Variants in AFG2A observed in about 807,000 individuals in gnomAD.
AFG2A encodes the protein AAA ATPase AFG2A.
the AFG2A span, among the ~76,000 whole-genome samples, chr4:123,161,604 T>C: frequency 1.3e-5 from 2 of 152,168 alleles, no homozygotes; most frequent in Non-Finnish European, 2.9e-5. Flanking sequence ...CAGTGGCTAA[T>C]AGAGCTAGGC....
At chr4:123,239,455 G>A in the AFG2A span, among the ~76,000 whole-genome samples, 78,047 of 152,088 alleles carry the variant, frequency 0.51, 24,631 homozygotes, top group Non-Finnish European at 0.67. Context: ...ACCCACTAAC[G>A]GAAGCCCATC....
chr4:123,307,735 T>C, the AFG2A span, among the ~76,000 whole-genome samples: 1 of 152,240 alleles, frequency 6.6e-6, no homozygotes, highest in Non-Finnish European at 1.5e-5. Context: ...ATGGACCAGA[T>C]ACATAATGGT....
the AFG2A span, among the ~76,000 whole-genome samples, chr4:122,945,277 G>C: frequency 6.6e-6 from 1 of 152,240 alleles, no homozygotes; most frequent in South Asian, 2.1e-4. Flanking sequence ...TCCTTGAGCT[G>C]TGGTGGGCTC....
chr4:122,925,003 A>G, the AFG2A span, among the ~76,000 whole-genome samples: 10 of 152,170 alleles, frequency 6.6e-5, no homozygotes, highest in Non-Finnish European at 1.0e-4. Context: ...ACTGTACAAT[A>G]ACTCTTCTCA....
the AFG2A span, among the ~76,000 whole-genome samples, chr4:123,107,845 G>A: frequency 6.6e-6 from 1 of 152,238 alleles, no homozygotes; most frequent in Non-Finnish European, 1.5e-5. Flanking sequence ...GGCACACCCA[G>A]TTGAGTTGTG....
chr4:123,057,396 A>G, the AFG2A span: 1 of 1,224,424 alleles, frequency 8.2e-7, no homozygotes, highest in Non-Finnish European at 1.1e-6. Flanking sequence ...CTATTAATAC[A>G]TTTGGCCTAA....
At chr4:122,953,907 G>C in the AFG2A span, among the ~76,000 whole-genome samples, 4 of 152,196 alleles carry the variant, frequency 2.6e-5, no homozygotes, top group Non-Finnish European at 5.9e-5. Flanking sequence ...GGGGGCTCTG[G>C]GTAGACACTA....
At chr4:122,989,459 C>T in the AFG2A span, among the ~76,000 whole-genome samples, 4 of 152,126 alleles carry the variant, frequency 2.6e-5, no homozygotes, top group South Asian at 8.3e-4. Context: ...TGGGGCTGAC[C>T]TGGAGCCTGT....
the AFG2A span, among the ~76,000 whole-genome samples, chr4:123,022,300 C>T: frequency 6.6e-5 from 10 of 152,262 alleles, no homozygotes; most frequent in African/African-American, 2.4e-4. Flanking sequence ...TGACAAAGGA[C>T]TAATATCCAG....
chr4:123,124,496 G>T, the AFG2A span, among the ~76,000 whole-genome samples: 1 of 152,054 alleles, frequency 6.6e-6, no homozygotes, highest in Admixed American at 6.6e-5. Flanking sequence ...TGTGGGGTGT[G>T]GGGAGAGGGG....
At chr4:123,277,912 A>T in the AFG2A span, among the ~76,000 whole-genome samples, 153 of 152,272 alleles carry the variant, frequency 1.0e-3, no homozygotes, top group Admixed American at 2.4e-3. Context: ...GATGTCTATC[A>T]AGTATATTGG....
chr4:123,031,137 G>A, the AFG2A span, among the ~76,000 whole-genome samples: 2 of 152,098 alleles, frequency 1.3e-5, no homozygotes, highest in Non-Finnish European at 2.9e-5. Flanking sequence ...AGCCAAAGAA[G>A]TTGGGAATTC....
At chr4:123,165,108 T>A in the AFG2A span, among the ~76,000 whole-genome samples, 1 of 152,200 alleles carries the variant, frequency 6.6e-6, no homozygotes, top group Non-Finnish European at 1.5e-5. Flanking sequence ...CAAAAATTCC[T>A]TTTAGTGTAA....
the AFG2A span, among the ~76,000 whole-genome samples, chr4:123,037,969 C>T: frequency 0.011 from 1,734 of 152,118 alleles, 50 homozygotes; most frequent in South Asian, 0.11. Context: ...ATTACTCAGC[C>T]TCTTTGTACT....
chr4:122,998,469 A>C, the AFG2A span, among the ~76,000 whole-genome samples: 38 of 142,690 alleles, frequency 2.7e-4, no homozygotes, highest in African/African-American at 8.2e-4. Flanking sequence ...CACTCCCCCC[A>C]CCCCACAACA....
At chr4:123,249,060 T>G in the AFG2A span, among the ~76,000 whole-genome samples, 2 of 152,206 alleles carry the variant, frequency 1.3e-5, no homozygotes, top group African/African-American at 2.4e-5. Flanking sequence ...TGAGCTAGAA[T>G]TTTCCTCCAG....
chr4:123,084,559 A>T, the AFG2A span, among the ~76,000 whole-genome samples: 1 of 150,446 alleles, frequency 6.6e-6, no homozygotes, highest in Non-Finnish European at 1.5e-5. Flanking sequence ...TATCTATAAA[A>T]CTAGTGTATA....
At chr4:123,115,285 C>T in the AFG2A span, among the ~76,000 whole-genome samples, 2 of 152,076 alleles carry the variant, frequency 1.3e-5, no homozygotes, top group East Asian at 3.9e-4. Context: ...ACCCAGTTGT[C>T]GGGAGCGCCA....
chr4:123,281,507 A>G, the AFG2A span, among the ~76,000 whole-genome samples: 1 of 152,208 alleles, frequency 6.6e-6, no homozygotes, highest in South Asian at 2.1e-4. Context: ...AGACAAATGC[A>G]CTGGGAAGAG....
Sources: allele counts gnomAD v4.1 joint callset (sites outside exome capture counted in the v4.1 genomes callset), GRCh38; gene constraint gnomAD v4.1.1; transcripts MANE v1.5; gene names NCBI Gene and HGNC (gene_info 2026-07-23, HGNC 2026-07-21).